Variants in ANKRD30BL observed in about 807,000 individuals in gnomAD.
ANKRD30BL encodes putative ankyrin repeat domain-containing protein 30B-like.
In ANKRD30BL, 20 loss-of-function variants were observed where a neutral mutation model predicts 18.4. That is an observed-to-expected ratio of 1.09 (90% CI 0.77 to 1.58). The LOEUF is 1.58. Ranked by LOEUF, ANKRD30BL falls within the 40% of genes most tolerant of loss-of-function variation. The probability of loss-of-function intolerance (pLI) is 0.00; values close to 1 mark genes in which losing one functional copy is unlikely to be tolerated. For synonymous variants in ANKRD30BL, 72 were observed against 100.9 expected (o/e 0.71, Z 1.72); for missense variants, 224 against 268.6 (o/e 0.83, Z 1.16).
chr2:132,221,753 C>T (rs1479488287), intron 1 of ANKRD30BL, among the ~76,000 whole-genome samples: 266 of 88,496 alleles, frequency 3.0e-3, no homozygotes, highest in African/African-American at 7.5e-3. Context: ...CGCCTCTGCC[C>T]GGCCGCCCCT....
chr2:132,220,774 C>G (rs1021466639), intron 1 of ANKRD30BL, among the ~76,000 whole-genome samples: 1 of 151,886 alleles, frequency 6.6e-6, no homozygotes, highest in Non-Finnish European at 1.5e-5. Context: ...GCAGCCTCTG[C>G]CCGGCCGCCA....
At chr2:132,170,073 C>T (rs756450916) in intron 1 of ANKRD30BL, among the ~76,000 whole-genome samples, 1 of 152,096 alleles carries the variant, frequency 6.6e-6, no homozygotes. Flanking sequence ...TAGCTCTGAT[C>T]CTCAATTTTA....
intron 1 of ANKRD30BL, among the ~76,000 whole-genome samples, chr2:132,173,360 C>A (rs142940976): frequency 0.038 from 5,636 of 146,852 alleles, 364 homozygotes; most frequent in African/African-American, 0.13. Context: ...AGTGCAGTGG[C>A]TCAATCCTGG....
At chr2:132,161,223 G>A (rs1573806401) in intron 1 of ANKRD30BL, among the ~76,000 whole-genome samples, 1 of 151,976 alleles carries the variant, frequency 6.6e-6, no homozygotes, top group East Asian at 2.0e-4. Context: ...AGAGGAAGTG[G>A]GAGTGAAGGA....
chr2:132,153,434 C>G (rs1687816624), intron 4 of ANKRD30BL: 1 of 420,178 alleles, frequency 2.4e-6, no homozygotes, highest in Non-Finnish European at 4.8e-6. Flanking sequence ...AGCCATTAAT[C>G]CTTCTAACTA....
At chr2:132,151,300 C>T (rs1158347500) in intron 4 of ANKRD30BL, among the ~76,000 whole-genome samples, 3 of 152,106 alleles carry the variant, frequency 2.0e-5, no homozygotes, top group Non-Finnish European at 4.4e-5. Context: ...GAACAAGTTG[C>T]TTCTCTTAGA....
At chr2:132,213,023 G>GA (rs1378179498) in intron 1 of ANKRD30BL, among the ~76,000 whole-genome samples, 1 of 151,834 alleles carries the variant, frequency 6.6e-6, no homozygotes, top group Admixed American at 6.6e-5. Context: ...ACTTCTTCAT[G>GA]ATGTATGCAT....
At chr2:132,177,533 C>G (rs966493240) in intron 1 of ANKRD30BL, among the ~76,000 whole-genome samples, 2 of 152,156 alleles carry the variant, frequency 1.3e-5, no homozygotes, top group Non-Finnish European at 2.9e-5. Flanking sequence ...CAGTCAAGAC[C>G]TGGTAAGACA....
At chr2:132,222,781 C>T (rs985024665) in intron 1 of ANKRD30BL, among the ~76,000 whole-genome samples, 68 of 139,806 alleles carry the variant, frequency 4.9e-4, no homozygotes, top group Non-Finnish European at 8.8e-4. Flanking sequence ...CCACTATTGT[C>T]CTATGACCCT....
At chr2:132,163,537 C>G (rs926894600), upstream of ANKRD30BL, among the ~76,000 whole-genome samples, 1 of 152,196 alleles carries the variant, frequency 6.6e-6, no homozygotes, top group African/African-American at 2.4e-5. Context: ...AACAGAGACT[C>G]TCTCTCAAAA....
At chr2:132,214,414 T>G (rs1298423553) in intron 1 of ANKRD30BL, among the ~76,000 whole-genome samples, 1 of 152,014 alleles carries the variant, frequency 6.6e-6, no homozygotes, top group African/African-American at 2.4e-5. Context: ...TTTCTTTTGA[T>G]TCAGAAGTTT....
rs559593197 is a variant in ANKRD30BL, at chr2:132,231,678, G to A, written n.441+25851C>T. Among the ~76,000 whole-genome samples the A allele has an allele frequency of 3.8e-3, 582 of 152,222 alleles. 9 individuals are homozygous for A. The highest frequency in any genetic ancestry group is 0.013 in the African/African-American group (531 of 41,532). ...CGAGATTATATCCCGCACCTGGCTC[G>A]GAGGGTCCTACACCCACGGAGTCTC... On this transcript the variant is annotated intron_variant and non_coding_transcript_variant, in intron 1 of 4. Coordinates refer to the ANKRD30BL transcript ENST00000470729.
rs1687642818 is a variant in ANKRD30BL at position 132,147,754 on chromosome 2, T to G, written c.*377A>C. The G allele has an allele frequency of 3.9e-6, 1 of 255,670 alleles. No homozygotes were observed. Among genetic ancestry groups the G allele is most frequent in the African/African-American group, 2.2e-5 (1 of 45,882 alleles). 15.8% of individuals were successfully genotyped at this position (255,670 alleles called of 1,614,324 possible). ...TTGGATAGGGTTGGACTGCACACTCTAAGCCAATTCAGATTGGCTATTTAA... is the reference window on the plus strand; with the variant it reads ...TTGGATAGGGTTGGACTGCACACTCGAAGCCAATTCAGATTGGCTATTTAA... On this transcript the variant is annotated 3_prime_UTR_variant, in exon 6 of 6. Coordinates refer to ENST00000409867, the MANE Select transcript of ANKRD30BL (RefSeq NM_001358416.1).
intron 1 of ANKRD30BL, among the ~76,000 whole-genome samples, chr2:132,250,016 G>T (rs2323826): frequency 1.3e-5 from 2 of 151,542 alleles, no homozygotes; most frequent in South Asian, 2.1e-4. Context: ...GCCTCAAAGC[G>T]CTCACAAATA....
intron 1 of ANKRD30BL, among the ~76,000 whole-genome samples, chr2:132,246,787 T>C (rs995281849): frequency 1.3e-5 from 2 of 151,982 alleles, no homozygotes; most frequent in African/African-American, 2.4e-5. Flanking sequence ...CTTTGAGGGC[T>C]ATGGTGAAAA....
chr2:132,250,954 C>A (rs1477455126), intron 1 of ANKRD30BL, among the ~76,000 whole-genome samples: 2 of 152,120 alleles, frequency 1.3e-5, no homozygotes, highest in Non-Finnish European at 2.9e-5. Context: ...CACTATTGGC[C>A]TTGGCAATCC....
At chr2:132,227,784 T>C (rs1347433873) in intron 1 of ANKRD30BL, among the ~76,000 whole-genome samples, 1 of 152,036 alleles carries the variant, frequency 6.6e-6, no homozygotes, top group Non-Finnish European at 1.5e-5. Context: ...TCAACTCAAA[T>C]AGCTGAAACT....
rs1355938640 is a variant in ANKRD30BL at position 132,220,302 on chromosome 2, GTCCCTC to G, written n.441+37221_441+37226del. On this transcript the variant is annotated intron_variant and non_coding_transcript_variant, in intron 1 of 4. Coordinates refer to the ANKRD30BL transcript ENST00000470729. The stretch of plus-strand genomic sequence containing the variant: ...TTGGCCTCTCCCTCTCCCTCTCCCT[GTCCCTC>G]TCCCTCTCCCTCTCCCTGTCCCTCT... Among the ~76,000 whole-genome samples, 268 of 102,076 alleles carry G rather than the reference GTCCCTC, an allele frequency of 2.6e-3. 2 individuals are homozygous for G. The highest frequency in any genetic ancestry group is 9.4e-3 in the African/African-American group (215 of 22,992). The allele number at this position is 102,076 out of a possible 152,430, so 67.0% of individuals were successfully genotyped here. A position where few individuals can be genotyped will look rare whatever the true frequency, so the allele number is the denominator to read the frequency against.
chr2:132,215,798 CTCTT>C, intron 1 of ANKRD30BL, among the ~76,000 whole-genome samples: 1 of 152,192 alleles, frequency 6.6e-6, no homozygotes, highest in Admixed American at 6.6e-5. Flanking sequence ...TTTTCAAACA[CTCTT>C]TCTGTAACAT....
Sources: gnomAD v4.1 joint callset for allele counts (sites outside exome capture counted in the v4.1 genomes callset) on GRCh38, gnomAD v4.1.1 for gene constraint, MANE v1.5 for transcripts, NCBI Gene and HGNC (gene_info 2026-07-23, HGNC 2026-07-21) for gene names.